PDE1C: variants seen among roughly 807,000 people sequenced by gnomAD.
The protein encoded by PDE1C is phosphodiesterase 1C.
Under a neutral mutation model 93.1 loss-of-function variants are expected in PDE1C, and 62 were observed. That is an observed-to-expected ratio of 0.67 (90% CI 0.54 to 0.82). PDE1C has a LOEUF of 0.82. PDE1C is among the 40% of genes least tolerant of loss of function. The probability of loss-of-function intolerance (pLI) is 0.00; values close to 1 mark genes in which losing one functional copy is unlikely to be tolerated. For missense variants in PDE1C, 742 were observed against 884.6 expected, an observed-to-expected ratio of 0.84 and a Z score of 2.04; for synonymous variants, 325 against 310.1, an observed-to-expected ratio of 1.05 and a Z score of -0.50.
chr7:32,067,575 C>T (rs1795551996), intron 1 of PDE1C, among the ~76,000 whole-genome samples: 1 of 152,122 alleles, frequency 6.6e-6, no homozygotes, highest in South Asian at 2.1e-4. Context: ...TACCTCTCAC[C>T]AGTGTGAAAG....
intron 15 of PDE1C, among the ~76,000 whole-genome samples, chr7:31,810,116 T>C (rs927253341): frequency 6.6e-5 from 10 of 152,130 alleles, no homozygotes; most frequent in African/African-American, 2.4e-4. Flanking sequence ...CAGTGCTGCA[T>C]CCCTATCTAA....
intron 1 of PDE1C, among the ~76,000 whole-genome samples, chr7:32,282,430 C>T (rs1209432229): frequency 8.5e-6 from 1 of 118,062 alleles, no homozygotes; most frequent in Non-Finnish European, 1.8e-5. Context: ...GAGCCGAGAT[C>T]GTGCCATTGC....
chr7:32,051,254 C>T (rs757945062), intron 2 of PDE1C, among the ~76,000 whole-genome samples: 5 of 152,146 alleles, frequency 3.3e-5, no homozygotes, highest in African/African-American at 9.7e-5. Flanking sequence ...CTTCAGCCCC[C>T]GCCAGCCTAA....
At chr7:31,736,233 GGCAGGCTTGCC>G in the PDE1C span, among the ~76,000 whole-genome samples, 1 of 152,178 alleles carries the variant, frequency 6.6e-6, no homozygotes, top group African/African-American at 2.4e-5. Context: ...TGGAAATGTG[GGCAGGCTTGCC>G]TTAGGGATTT....
intron 6 of PDE1C, among the ~76,000 whole-genome samples, chr7:31,866,564 C>CAT (rs1795326063): frequency 1.3e-5 from 2 of 152,080 alleles, no homozygotes; most frequent in African/African-American, 4.8e-5. Flanking sequence ...TATTTGTGGT[C>CAT]ATGTAAAGAC....
chr7:31,886,444 T>C (rs953451688), intron 2 of PDE1C, among the ~76,000 whole-genome samples: 2 of 152,190 alleles, frequency 1.3e-5, no homozygotes, highest in Non-Finnish European at 2.9e-5. Flanking sequence ...TTGAAAAACA[T>C]TCAACATTGG....
At chr7:31,689,011 T>C in the PDE1C span, among the ~76,000 whole-genome samples, 9 of 152,238 alleles carry the variant, frequency 5.9e-5, no homozygotes, top group Admixed American at 5.2e-4. Flanking sequence ...TGTCACTTAG[T>C]GTGAATATTC....
intron 1 of PDE1C, among the ~76,000 whole-genome samples, chr7:32,333,605 C>T (rs1267866775): frequency 1.3e-5 from 2 of 152,148 alleles, no homozygotes. Flanking sequence ...GAAAAAAACA[C>T]ACGCTTTAAC....
At chr7:31,818,820 C>CA (rs1413322079) in intron 14 of PDE1C, among the ~76,000 whole-genome samples, 2 of 151,978 alleles carry the variant, frequency 1.3e-5, no homozygotes, top group African/African-American at 4.8e-5. Context: ...TTTCAATATT[C>CA]AAAATAACCC....
At chr7:31,868,375 T>G (rs1300776328) in intron 6 of PDE1C, among the ~76,000 whole-genome samples, 1 of 152,112 alleles carries the variant, frequency 6.6e-6, no homozygotes, top group Non-Finnish European at 1.5e-5. Context: ...AAAGAGAAAT[T>G]ATGGAATGGA....
intron 1 of PDE1C, among the ~76,000 whole-genome samples, chr7:32,214,183 A>C (rs1806256177): frequency 6.6e-6 from 1 of 151,982 alleles, no homozygotes; most frequent in Non-Finnish European, 1.5e-5. Context: ...ACACATATAT[A>C]CATTTTATAC....
chr7:32,115,294 A>T (rs1798925673), intron 3 of PDE1C, among the ~76,000 whole-genome samples: 2 of 152,354 alleles, frequency 1.3e-5, no homozygotes, highest in Non-Finnish European at 2.9e-5. Flanking sequence ...GCCATAAAAA[A>T]AGAATGAGAT....
chr7:31,907,070 G>T (rs6951738), intron 2 of PDE1C, among the ~76,000 whole-genome samples: 12 of 145,316 alleles, frequency 8.3e-5, no homozygotes, highest in African/African-American at 2.9e-4. Flanking sequence ...TGATATGTGG[G>T]GTGTGTGTGT....
chr7:32,031,610 T>C (rs1246665553), intron 2 of PDE1C, among the ~76,000 whole-genome samples: 1 of 152,180 alleles, frequency 6.6e-6, no homozygotes, highest in Admixed American at 6.5e-5. Flanking sequence ...GCATAGCTTA[T>C]TATAGGCAGG....
At chr7:32,082,469 G>A (rs1289534829) in intron 3 of PDE1C, among the ~76,000 whole-genome samples, 1 of 152,244 alleles carries the variant, frequency 6.6e-6, no homozygotes, top group Non-Finnish European at 1.5e-5. Context: ...AGTAAACTCT[G>A]CAGACTTAAA....
chr7:31,886,059 G>C (rs1356908180), intron 2 of PDE1C, among the ~76,000 whole-genome samples: 1 of 152,162 alleles, frequency 6.6e-6, no homozygotes, highest in East Asian at 1.9e-4. Context: ...GTCTCAGAAA[G>C]GCTTTGTTTT....
the PDE1C span, among the ~76,000 whole-genome samples, chr7:31,679,213 G>A: frequency 6.6e-6 from 1 of 152,170 alleles, no homozygotes; most frequent in Non-Finnish European, 1.5e-5. Context: ...GATGGGAGAA[G>A]AAAGCCAAAA....
chr7:31,985,779 C>T (rs1366627808), intron 2 of PDE1C, among the ~76,000 whole-genome samples: 1 of 152,122 alleles, frequency 6.6e-6, no homozygotes, highest in Non-Finnish European at 1.5e-5. Flanking sequence ...CATAGTATTC[C>T]ATGGTGTATG....
chr7:31,854,576 G>A (rs748635028), intron 7 of PDE1C, among the ~76,000 whole-genome samples: 2 of 152,118 alleles, frequency 1.3e-5, no homozygotes, highest in Middle Eastern at 3.2e-3. Flanking sequence ...ACTTGTTCCC[G>A]CATATAGGGG....
Sources: gnomAD v4.1 joint callset for allele counts (sites outside exome capture counted in the v4.1 genomes callset) on GRCh38, gnomAD v4.1.1 for gene constraint, MANE v1.5 for transcripts, NCBI Gene and HGNC (gene_info 2026-07-23, HGNC 2026-07-21) for gene names.